NDUFAF6: variants seen among roughly 807,000 people sequenced by gnomAD.
NDUFAF6 encodes NADH:ubiquinone oxidoreductase complex assembly factor 6, also known as NADH dehydrogenase (ubiquinone) complex I, assembly factor 6.
NDUFAF6 carries 45 observed loss-of-function variants against 40.8 expected under a neutral mutation model. The observed-to-expected ratio is 1.10, with a 90% confidence interval of 0.87 to 1.42. The LOEUF (loss-of-function observed/expected upper bound fraction) is 1.42, where lower values mean the gene tolerates loss of function less well. NDUFAF6 is among the 40% of genes most tolerant of loss of function. The pLI, the probability that NDUFAF6 is intolerant of heterozygous loss-of-function variation, is 0.00. For synonymous variants in NDUFAF6, 185 were observed against 155.9 expected (o/e 1.19, Z -1.39); for missense variants, 435 against 418.5 (o/e 1.04, Z -0.34).
At chr8:94,904,468 G>A (rs181273639) in intron 1 of NDUFAF6, among the ~76,000 whole-genome samples, 11 of 150,982 alleles carry the variant, frequency 7.3e-5, no homozygotes, top group South Asian at 2.1e-4. Flanking sequence ...GAGCCACCGC[G>A]CCTGGCCTGA....
chr8:94,908,785 A>G (rs1017565700), intron 1 of NDUFAF6, among the ~76,000 whole-genome samples: 1 of 152,234 alleles, frequency 6.6e-6, no homozygotes, highest in Non-Finnish European at 1.5e-5. Context: ...TAGCTGAGGA[A>G]TAAGACTCAG....
chr8:94,997,337 CACACACAGAG>C (rs1178503380), intron 2 of NDUFAF6, among the ~76,000 whole-genome samples: 26 of 134,552 alleles, frequency 1.9e-4, no homozygotes, highest in South Asian at 7.1e-4. Flanking sequence ...CACACACACA[CACACACAGAG>C]AGAGAGAGAG....
At chr8:94,931,984 A>T (rs543441818) in intron 1 of NDUFAF6, 14 of 1,360,984 alleles carry the variant, frequency 1.0e-5, no homozygotes, top group Middle Eastern at 1.8e-4. Context: ...AAAAAGAAAG[A>T]AAGTCATTTT....
chr8:95,010,944 C>T (rs1454073784), intron 2 of NDUFAF6, among the ~76,000 whole-genome samples: 1 of 152,208 alleles, frequency 6.6e-6, no homozygotes, highest in African/African-American at 2.4e-5. Context: ...TCTGGCAAAG[C>T]CAGGGGAGCC....
At position 95,052,181 on chromosome 8, in the gene NDUFAF6, C is replaced by G. The variant is rs1330715526; in HGVS notation, c.824C>G (p.Ser275Cys). The G allele has an allele frequency of 1.2e-6, 2 of 1,613,950 alleles. No individual in the cohort carries two copies. The highest frequency in any genetic ancestry group is 1.7e-6 in the Non-Finnish European group (2 of 1,179,990). The change falls in exon 8 of 9, where the codon TCC (serine) becomes TGC (cysteine). Residue 275 changes from serine (S) to cysteine (C), a missense_variant. Physicochemically the swap from Ser to Cys is moderately radical, Grantham distance 112. Coordinates refer to ENST00000396124, the MANE Select transcript of NDUFAF6 (RefSeq NM_152416.4). ...TCTCCTCTTCCTTTTTAGGCTAGGT[C>G]CTTTCACAAAACTGTTCCTGTGAAA... ...QAHLHLKHARSFHKTVPVKAF... is the reference protein window; with the variant it reads ...QAHLHLKHARCFHKTVPVKAF...
chr8:94,923,725 T>C (rs1202921665), intron 1 of NDUFAF6, among the ~76,000 whole-genome samples: 1 of 150,076 alleles, frequency 6.7e-6, no homozygotes, highest in Admixed American at 6.6e-5. Flanking sequence ...TGTCGCCCAG[T>C]CTGGAGTGCA....
At chr8:94,933,368 A>C (rs938749402) in intron 1 of NDUFAF6, among the ~76,000 whole-genome samples, 1 of 152,242 alleles carries the variant, frequency 6.6e-6, no homozygotes, top group Admixed American at 6.5e-5. Flanking sequence ...CTAGAAAACC[A>C]TAACAACCTT....
chr8:95,115,319 A>G (rs1810108854), intron 4 of NDUFAF6, among the ~76,000 whole-genome samples: 1 of 152,168 alleles, frequency 6.6e-6, no homozygotes, highest in South Asian at 2.1e-4. Flanking sequence ...ATGGATCTGT[A>G]TGACTGAGAT....
At chr8:95,011,567 A>G (rs7832570) in intron 2 of NDUFAF6, among the ~76,000 whole-genome samples, 3 of 152,100 alleles carry the variant, frequency 2.0e-5, no homozygotes, top group African/African-American at 7.2e-5. Context: ...ACTGCCCTAG[A>G]TGCAGCTGGT....
rs1449766343 is a variant in NDUFAF6 at position 95,058,090 on chromosome 8, G to A, written c.*153G>A. 6.9e-7 allele frequency: 1 copy of A among 1,459,430 alleles called. No homozygotes were observed. The highest frequency in any genetic ancestry group is 9.0e-7 in the Non-Finnish European group (1 of 1,116,104). 90.4% of individuals were successfully genotyped at this position (1,459,430 alleles called of 1,614,324 possible). ...TCACAAAATTGAGAAGTTGCCGTGG[G>A]ACTAGGGTGCCAAGACTGCTGAGAT... is the stretch of plus-strand genomic sequence containing the variant. On this transcript the variant is annotated 3_prime_UTR_variant, in exon 9 of 9. Coordinates refer to ENST00000396124, the MANE Select transcript of NDUFAF6 (RefSeq NM_152416.4).
chr8:95,055,465 T>C (rs946354547), intron 8 of NDUFAF6: 1 of 152,184 alleles, frequency 6.6e-6, no homozygotes, highest in African/African-American at 2.4e-5. Flanking sequence ...TTAAAAAAAG[T>C]ATAAATATAA....
intron 2 of NDUFAF6, among the ~76,000 whole-genome samples, chr8:94,947,199 C>G (rs755915243): frequency 6.6e-6 from 1 of 151,868 alleles, no homozygotes; most frequent in Non-Finnish European, 1.5e-5. Context: ...TTTTAGGCTC[C>G]CAGTCTCAAC....
intron 1 of NDUFAF6, among the ~76,000 whole-genome samples, chr8:94,937,183 A>G (rs1821060443): frequency 6.6e-6 from 1 of 152,192 alleles, no homozygotes; most frequent in South Asian, 2.1e-4. Context: ...ACAGCCCATA[A>G]TGCCCAAAAA....
At chr8:95,044,503 A>G (rs563138585) in intron 4 of NDUFAF6, 3 of 125,508 alleles carry the variant, frequency 2.4e-5, no homozygotes, top group Non-Finnish European at 4.7e-5. Flanking sequence ...CCCAGGCTGG[A>G]GTACAATGGC....
chr8:94,967,699 G>C lies in NDUFAF6; in HGVS notation c.-199+9520G>C, dbSNP rs533755713. On this transcript the variant is annotated intron_variant, in intron 1 of 9. Transcript: ENST00000396111. ...CTCACGTCTGTAATCCCAGCACTTT[G>C]GGAGGCCGAGGTGGGTGGATCACTT... 6.3e-4 allele frequency among the ~76,000 whole-genome samples: 96 copies of C among 152,146 alleles called. 1 individual carries two copies. The highest frequency in any genetic ancestry group is 1.2e-3 in the Admixed American group (18 of 15,284).
At chr8:94,917,556 T>C (rs1819219486) in intron 1 of NDUFAF6, among the ~76,000 whole-genome samples, 1 of 152,182 alleles carries the variant, frequency 6.6e-6, no homozygotes, top group Non-Finnish European at 1.5e-5. Flanking sequence ...CCAATGTGTA[T>C]TGGCAATGGC....
At chr8:94,932,780 G>C (rs889298484) in intron 1 of NDUFAF6, among the ~76,000 whole-genome samples, 1 of 152,194 alleles carries the variant, frequency 6.6e-6, no homozygotes, top group African/African-American at 2.4e-5. Context: ...TCCAGCCTGG[G>C]CGAAGGAGCG....
chr8:94,935,670 G>C (rs1251755706), intron 1 of NDUFAF6, among the ~76,000 whole-genome samples: 1 of 152,152 alleles, frequency 6.6e-6, no homozygotes, highest in Non-Finnish European at 1.5e-5. Context: ...GGACTCCTTG[G>C]TATGGGAGCT....
rs113346876 is a variant in NDUFAF6 at position 95,084,821 on chromosome 8, A to T, written n.213+9069A>T. 8.5e-3 allele frequency among the ~76,000 whole-genome samples: 1,292 copies of T among 152,360 alleles called. 16 individuals are homozygous for T. The highest frequency in any genetic ancestry group is 0.029 in the African/African-American group (1,195 of 41,576). ...GTCGTAGGATTTAGCTTTTGCAACC[A>T]AACTTTCCCACAAATAGAACTTGAG... On this transcript the variant is annotated intron_variant and non_coding_transcript_variant, in intron 2 of 5. Transcript: ENST00000523184.
Sources: allele counts gnomAD v4.1 joint callset (sites outside exome capture counted in the v4.1 genomes callset), GRCh38; gene constraint gnomAD v4.1.1; transcripts MANE v1.5; gene names NCBI Gene and HGNC (gene_info 2026-07-23, HGNC 2026-07-21).